The following MTA3 variants were observed in gnomAD, a reference collection of about 807,000 sequenced individuals.
MTA3 encodes the protein metastasis-associated protein MTA3.
In MTA3, 34 loss-of-function variants were observed where a neutral mutation model predicts 83.5. The ratio of observed to expected loss-of-function variants is 0.41; its 90% CI spans 0.31 to 0.54. The LOEUF (loss-of-function observed/expected upper bound fraction) is 0.54, where lower values mean the gene tolerates loss of function less well. Ranked by LOEUF, MTA3 falls within the 20% of genes least tolerant of loss-of-function variation. The pLI, the probability that MTA3 is intolerant of heterozygous loss-of-function variation, is 0.33. For synonymous variants in MTA3, 303 were observed against 252.7 expected (o/e 1.20, Z -1.89); for missense variants, 761 against 726.4 (o/e 1.05, Z -0.55).
At chr2:42,599,267 A>T (rs6758365) in intron 3 of MTA3, among the ~76,000 whole-genome samples, 111,666 of 152,068 alleles carry the variant, frequency 0.73, 41,194 homozygotes, top group South Asian at 0.88. Context: ...TTATAAAAAT[A>T]GTTGGCTAGC....
intron 14 of MTA3, among the ~76,000 whole-genome samples, chr2:42,713,234 G>C (rs183670365): frequency 6.6e-6 from 1 of 152,304 alleles, no homozygotes; most frequent in Admixed American, 6.5e-5. Flanking sequence ...GGTTATTTGG[G>C]AGGAACCTGA....
chr2:42,605,786 G>GGCT (rs1683250046), intron 3 of MTA3, among the ~76,000 whole-genome samples: 1 of 127,826 alleles, frequency 7.8e-6, no homozygotes, highest in Non-Finnish European at 1.7e-5. Flanking sequence ...CAGAAGGGGC[G>GGCT]GCCGGGCAGA....
At chr2:42,752,271 C>T (rs1418171851) in intron 16 of MTA3, 7 of 471,318 alleles carry the variant, frequency 1.5e-5, no homozygotes, top group Non-Finnish European at 3.1e-5. Context: ...CTGCTCCATC[C>T]TGCAGCCCTT....
chr2:42,624,437 C>T (rs747020842), intron 4 of MTA3, among the ~76,000 whole-genome samples: 12 of 152,090 alleles, frequency 7.9e-5, no homozygotes, highest in Non-Finnish European at 1.5e-4. Flanking sequence ...TTCTCTGCCT[C>T]AGCCTCCTAA....
chr2:42,504,366 A>G (rs777606872), intron 2 of MTA3, among the ~76,000 whole-genome samples: 4 of 152,050 alleles, frequency 2.6e-5, no homozygotes, highest in Non-Finnish European at 5.9e-5. Flanking sequence ...CAGCCTCCCG[A>G]GTAGCTGGGA....
chr2:42,647,714 AC>A (rs1688346077), intron 6 of MTA3, among the ~76,000 whole-genome samples: 1 of 152,198 alleles, frequency 6.6e-6, no homozygotes, highest in South Asian at 2.1e-4. Flanking sequence ...ATTGAAAAAT[AC>A]TGTATTTTTC....
Position 42,754,518 on chromosome 2 carries a change from G to T in MTA3, c.*1119G>T. 1.0e-6 allele frequency: 1 copy of T among 983,292 alleles called. No homozygotes were observed. Among genetic ancestry groups the T allele is most frequent in the Non-Finnish European group, 1.2e-6 (1 of 829,974 alleles). 60.9% of individuals were successfully genotyped at this position (983,292 alleles called of 1,614,324 possible). The stretch of plus-strand genomic sequence containing the variant: ...TGGCATCACAGTTGGCCACTCAGCT[G>T]TGCTGAGTAGCTGTGCTACTTGTGC... On this transcript the variant is annotated 3_prime_UTR_variant, in exon 17 of 17. Transcript: ENST00000405094.
chr2:42,508,624 C>G lies in MTA3; in HGVS notation c.-141+13370C>G, dbSNP rs553730654. ...CTGGGATTACAGGTGTGAGCCACTG[C>G]ACCCAGCCTAGACTTTGAATGATTA... is the stretch of plus-strand genomic sequence containing the variant. On this transcript the variant is annotated intron_variant, in intron 2 of 17. Transcript: ENST00000405592. 9.2e-5 allele frequency among the ~76,000 whole-genome samples: 14 copies of G among 151,894 alleles called. No individual in the cohort carries two copies. In the East Asian group the frequency reaches 2.3e-3, roughly 25 times the overall value.
intron 3 of MTA3, among the ~76,000 whole-genome samples, chr2:42,592,719 G>A (rs1195242070): frequency 4.6e-5 from 7 of 152,310 alleles, no homozygotes; most frequent in Admixed American, 3.3e-4. Context: ...CCCACTGGAA[G>A]GTCTTCAGGA....
chr2:42,559,643 C>T (rs1263956713), intron 2 of MTA3, among the ~76,000 whole-genome samples: 1 of 151,382 alleles, frequency 6.6e-6, no homozygotes, highest in Non-Finnish European at 1.5e-5. Context: ...CTTTGGGAGG[C>T]TAAGGCAGGT....
At chr2:42,680,826 A>G (rs1691822589) in intron 8 of MTA3, among the ~76,000 whole-genome samples, 1 of 152,098 alleles carries the variant, frequency 6.6e-6, no homozygotes, top group African/African-American at 2.4e-5. Flanking sequence ...ATCTCAGCTC[A>G]CTGCAGCCTC....
chr2:42,677,428 C>A (rs559502914), intron 8 of MTA3, among the ~76,000 whole-genome samples: 1 of 151,954 alleles, frequency 6.6e-6, no homozygotes, highest in Admixed American at 6.6e-5. Context: ...CTGCAACTTC[C>A]GCCTCCTGGG....
At chr2:42,549,448 TA>T (rs1676984160) in intron 2 of MTA3, among the ~76,000 whole-genome samples, 2 of 42,286 alleles carry the variant, frequency 4.7e-5, no homozygotes, top group Non-Finnish European at 7.5e-5. Flanking sequence ...CGTATACATA[TA>T]ATATATTATA....
intron 5 of MTA3, 55 bp downstream of exon 5, chr2:42,640,291 T>C (rs1263086362): frequency 1.6e-6 from 2 of 1,219,472 alleles, no homozygotes; most frequent in Non-Finnish European, 2.3e-6. Flanking sequence ...CACATGAAGC[T>C]CTTTCCTTGG....
intron 2 of MTA3, among the ~76,000 whole-genome samples, chr2:42,577,871 A>C (rs1679228314): frequency 2.0e-5 from 3 of 152,238 alleles, no homozygotes; most frequent in Admixed American, 6.5e-5. Context: ...GAAATGACTA[A>C]GAGCTTATAT....
At chr2:42,726,506 T>TC (rs1449642467) in intron 16 of MTA3, among the ~76,000 whole-genome samples, 1 of 151,690 alleles carries the variant, frequency 6.6e-6, no homozygotes, top group Non-Finnish European at 1.5e-5. Flanking sequence ...CCCTCCCCAC[T>TC]CCCCCCAACC....
intron 2 of MTA3, among the ~76,000 whole-genome samples, chr2:42,536,858 C>CA (rs71410118): frequency 0.36 from 29,902 of 84,106 alleles, 6,265 homozygotes; most frequent in African/African-American, 0.55. Flanking sequence ...GACCCCATCT[C>CA]AAAAAAAAAA....
intron 11 of MTA3, chr2:42,698,574 G>T (rs1693593314): frequency 6.6e-6 from 1 of 152,112 alleles, no homozygotes; most frequent in Non-Finnish European, 1.5e-5. Flanking sequence ...AGCACCACGT[G>T]TATATTGTTC....
chr2:42,527,712 C>T (rs1448874654), intron 2 of MTA3, among the ~76,000 whole-genome samples: 1 of 151,724 alleles, frequency 6.6e-6, no homozygotes, highest in African/African-American at 2.4e-5. Context: ...GCAGGAGTAT[C>T]AGGCATGATG....
Sources: gnomAD v4.1 joint callset for allele counts (sites outside exome capture counted in the v4.1 genomes callset) on GRCh38, gnomAD v4.1.1 for gene constraint, MANE v1.5 for transcripts, NCBI Gene and HGNC (gene_info 2026-07-23, HGNC 2026-07-21) for gene names.